The following SH3GL2 variants were observed in gnomAD, a reference collection of about 807,000 sequenced individuals.
SH3GL2 encodes the protein SH3 domain containing GRB2 like 2, endophilin A1, also known as endophilin-A1.
In SH3GL2, 24 loss-of-function variants were observed where a neutral mutation model predicts 46.0. The ratio of observed to expected loss-of-function variants is 0.52; its 90% CI spans 0.38 to 0.73. SH3GL2 has a LOEUF of 0.73. SH3GL2 is among the 30% of genes least tolerant of loss of function. The pLI is 0.00. For synonymous variants in SH3GL2, 196 were observed against 147.1 expected (o/e 1.33, Z -2.40); for missense variants, 413 against 424.2 (o/e 0.97, Z 0.23).
chr9:17,711,005 C>T (rs1821607889), intron 1 of SH3GL2, among the ~76,000 whole-genome samples: 1 of 151,912 alleles, frequency 6.6e-6, no homozygotes, highest in South Asian at 2.1e-4. Context: ...CTGTCTCTCG[C>T]TCTCTCAGAA....
chr9:17,672,980 C>G (rs892478988), intron 1 of SH3GL2, among the ~76,000 whole-genome samples: 2 of 152,160 alleles, frequency 1.3e-5, no homozygotes, highest in African/African-American at 2.4e-5. Flanking sequence ...CTGCTCTGCT[C>G]TGTCATGTCT....
chr9:17,623,873 C>G (rs1475807416), intron 1 of SH3GL2, among the ~76,000 whole-genome samples: 1 of 152,096 alleles, frequency 6.6e-6, no homozygotes, highest in East Asian at 1.9e-4. Context: ...CTATTATCAA[C>G]TTGAGTAAAT....
At position 17,620,548 on chromosome 9, in the gene SH3GL2, C is replaced by G. The variant is rs150585972; in HGVS notation, c.45+41261C>G. Among the ~76,000 whole-genome samples the G allele has an allele frequency of 3.1e-3, 478 of 152,286 alleles. 4 individuals are homozygous for G. Among genetic ancestry groups the G allele is most frequent in the African/African-American group, 0.011 (446 of 41,564 alleles). On this transcript the variant is annotated intron_variant, in intron 1 of 8. Coordinates refer to ENST00000380607, the MANE Select transcript of SH3GL2 (RefSeq NM_003026.5). ...ACTACTAACCAAGGCAAACCACTGA[C>G]TGTGCTAGTTTGGAAGGGCAGACAG...
At chr9:17,697,852 C>T (rs1250386802) in intron 1 of SH3GL2, among the ~76,000 whole-genome samples, 1 of 152,166 alleles carries the variant, frequency 6.6e-6, no homozygotes, top group Non-Finnish European at 1.5e-5. Flanking sequence ...CTACTAAATT[C>T]TTCTTGTCTT....
rs185607004 is a variant in SH3GL2 at position 17,756,199 on chromosome 9, G to C, written c.115-5238G>C. Among the ~76,000 whole-genome samples, 86 of 152,208 alleles carry C rather than the reference G, an allele frequency of 5.7e-4. 1 individual carries two copies. Among genetic ancestry groups the C allele is most frequent in the Middle Eastern group, 3.4e-3 (1 of 294 alleles). Reference sequence around the variant, plus strand: ...GAAATTTGAATAATTATTTTGTGCAGTAAAATAGTAGTCTCATTTCAAATT... The same window carrying C: ...GAAATTTGAATAATTATTTTGTGCACTAAAATAGTAGTCTCATTTCAAATT... On this transcript the variant is annotated intron_variant, in intron 2 of 8. Coordinates refer to ENST00000380607, the MANE Select transcript of SH3GL2 (RefSeq NM_003026.5).
Position 17,696,042 on chromosome 9 carries a change from A to G in SH3GL2, c.46-51024A>G, listed in dbSNP as rs1439840619. Among the ~76,000 whole-genome samples the G allele has an allele frequency of 5.3e-5, 8 of 152,242 alleles. No individual in the cohort carries two copies. The South Asian group carries it at 1.4e-3, about 28-fold the overall frequency. On this transcript the variant is annotated intron_variant, in intron 1 of 8. Transcript: ENST00000380607. ...TGTCTGAGTTGTCCTGCAAGCTGAT[A>G]CAAATCACAACTTCCCCGAGCCTCT...
At chr9:17,757,517 T>C (rs1178042717) in intron 2 of SH3GL2, among the ~76,000 whole-genome samples, 1 of 152,220 alleles carries the variant, frequency 6.6e-6, no homozygotes, top group Non-Finnish European at 1.5e-5. Context: ...TTTCACTTTC[T>C]TTAAACAGCC....
Position 17,795,919 on chromosome 9 carries a change from G to A in SH3GL2, c.*176G>A, listed in dbSNP as rs1056558625. 32 of 598,902 alleles carry A rather than the reference G, an allele frequency of 5.3e-5. No homozygotes were observed. Among genetic ancestry groups the A allele is most frequent in the Non-Finnish European group, 8.6e-5 (29 of 336,032 alleles). 37.1% of individuals were successfully genotyped at this position (598,902 alleles called of 1,614,324 possible). A position where few individuals can be genotyped will look rare whatever the true frequency, so the allele number is the denominator to read the frequency against. On this transcript the variant is annotated 3_prime_UTR_variant, in exon 9 of 9. Transcript: ENST00000380607. ...TCCCACAGGAGTCATGGTGATGGAT[G>A]ATATCCTCTTAGCCTGGTGGGCGTG...
In SH3GL2 at chr9:17,793,622, A is replaced by T. The variant is rs562556528; in HGVS notation, c.859+125A>T. On this transcript the variant is annotated intron_variant, in intron 8 of 8. Transcript: ENST00000380607. ...ATATGCAGTAATACATTTCTTATGG[A>T]GTCAGTTGTCAGGTAGAAACTCTGT... 5.7e-6 allele frequency: 5 copies of T among 875,374 alleles called. No individual in the cohort carries two copies. The African/African-American group carries it at 8.9e-5, about 16-fold the overall frequency. The allele number at this position is 875,374 out of a possible 1,614,324, so 54.2% of individuals were successfully genotyped here. A position where few individuals can be genotyped will look rare whatever the true frequency, so the allele number is the denominator to read the frequency against.
chr9:17,719,901 A>G (rs1287667924), intron 1 of SH3GL2, among the ~76,000 whole-genome samples: 1 of 151,594 alleles, frequency 6.6e-6, no homozygotes, highest in African/African-American at 2.4e-5. Flanking sequence ...CTGTGTATAT[A>G]TAATAATAAA....
At chr9:17,622,769 T>G (rs1819172659) in intron 1 of SH3GL2, among the ~76,000 whole-genome samples, 1 of 152,022 alleles carries the variant, frequency 6.6e-6, no homozygotes, top group African/African-American at 2.4e-5. Context: ...GCACGGTAAG[T>G]AAAGAATAAT....
intron 3 of SH3GL2, among the ~76,000 whole-genome samples, chr9:17,773,650 G>A (rs1218567810): frequency 6.6e-6 from 1 of 152,046 alleles, no homozygotes; most frequent in Non-Finnish European, 1.5e-5. Flanking sequence ...CCTCTGCTCT[G>A]TTCCCTTGGC....
At chr9:17,618,022 A>G (rs1819045846) in intron 1 of SH3GL2, among the ~76,000 whole-genome samples, 1 of 152,194 alleles carries the variant, frequency 6.6e-6, no homozygotes, top group South Asian at 2.1e-4. Context: ...TTTCTAAAAT[A>G]AGCTGCACTA....
intron 1 of SH3GL2, among the ~76,000 whole-genome samples, chr9:17,664,454 A>C (rs1820295556): frequency 6.6e-6 from 1 of 152,080 alleles, no homozygotes; most frequent in Admixed American, 6.5e-5. Context: ...TCTTTGCCTT[A>C]GTTTTTTGCA....
chr9:17,761,562 C>G (rs2131151835), intron 3 of SH3GL2, 53 bp downstream of exon 3: 1 of 1,061,296 alleles, frequency 9.4e-7, no homozygotes, highest in Non-Finnish European at 1.5e-6. Context: ...CTTTTAGTTT[C>G]TCTTTGATAG....
At chr9:17,733,073 A>G (rs1296348638) in intron 1 of SH3GL2, among the ~76,000 whole-genome samples, 11 of 152,022 alleles carry the variant, frequency 7.2e-5, no homozygotes, top group Admixed American at 7.2e-4. Context: ...GTGGGATGAT[A>G]TCTTCCCATC....
intron 1 of SH3GL2, among the ~76,000 whole-genome samples, chr9:17,599,789 A>G (rs1427650674): frequency 1.3e-5 from 2 of 152,210 alleles, no homozygotes; most frequent in Admixed American, 1.3e-4. Context: ...TAGGGTCACA[A>G]TGTTAATTAT....
intron 1 of SH3GL2, among the ~76,000 whole-genome samples, chr9:17,718,484 A>T (rs983676934): frequency 2.6e-5 from 4 of 152,086 alleles, no homozygotes; most frequent in African/African-American, 9.7e-5. Context: ...ACACTTTGGG[A>T]CGCCAAGGCG....
At chr9:17,687,030 T>C (rs1820932158) in intron 1 of SH3GL2, among the ~76,000 whole-genome samples, 1 of 152,062 alleles carries the variant, frequency 6.6e-6, no homozygotes, top group African/African-American at 2.4e-5. Flanking sequence ...ATTGTTTGTA[T>C]TTTTAGCGGA....
Sources: gnomAD v4.1 joint callset for allele counts (sites outside exome capture counted in the v4.1 genomes callset) on GRCh38, gnomAD v4.1.1 for gene constraint, MANE v1.5 for transcripts, NCBI Gene and HGNC (gene_info 2026-07-23, HGNC 2026-07-21) for gene names.